Variants in RAB5A observed in about 807,000 individuals in gnomAD.
RAB5A encodes the protein RAB5A, member RAS oncogene family.
Under a neutral mutation model 25.7 loss-of-function variants are expected in RAB5A, and 8 were observed. The ratio of observed to expected loss-of-function variants is 0.31; its 90% CI spans 0.18 to 0.56. The LOEUF (loss-of-function observed/expected upper bound fraction) is 0.56, where lower values mean the gene tolerates loss of function less well. RAB5A is among the 20% of genes least tolerant of loss of function. The probability of loss-of-function intolerance (pLI) is 0.91; values close to 1 mark genes in which losing one functional copy is unlikely to be tolerated. For missense variants in RAB5A, 192 were observed against 259.7 expected (o/e 0.74, Z 1.79); for synonymous variants, 98 against 89.8 (o/e 1.09, Z -0.52).
chr3:19,973,056 T>C (rs1696774537), intron 2 of RAB5A, among the ~76,000 whole-genome samples: 1 of 152,342 alleles, frequency 6.6e-6, no homozygotes, highest in East Asian at 1.9e-4. Flanking sequence ...GGTGCAGGCA[T>C]TGTATTAGAT....
At chr3:19,949,680 T>TAC (rs1361015090) in intron 1 of RAB5A, among the ~76,000 whole-genome samples, 1 of 152,200 alleles carries the variant, frequency 6.6e-6, no homozygotes, top group Non-Finnish European at 1.5e-5. Flanking sequence ...ACTAATTCCT[T>TAC]AGAGATTAAA....
At chr3:19,962,100 T>G (rs747940550) in intron 2 of RAB5A, among the ~76,000 whole-genome samples, 1 of 152,176 alleles carries the variant, frequency 6.6e-6, no homozygotes, top group Non-Finnish European at 1.5e-5. Flanking sequence ...ATGGGGCTGT[T>G]AGCTAGAACA....
chr3:19,955,895 T>C (rs757798655), intron 2 of RAB5A, among the ~76,000 whole-genome samples: 1 of 152,042 alleles, frequency 6.6e-6, no homozygotes, highest in Non-Finnish European at 1.5e-5. Context: ...AGACTCCGTC[T>C]TAAAAAAAAA....
chr3:19,982,423 T>G (rs190051401), intron 5 of RAB5A, among the ~76,000 whole-genome samples: 1 of 152,324 alleles, frequency 6.6e-6, no homozygotes, highest in Non-Finnish European at 1.5e-5. Context: ...GGCATCTAAC[T>G]TGGGTGTTAT....
chr3:19,950,490 T>G (rs1453254076), intron 1 of RAB5A, among the ~76,000 whole-genome samples: 1 of 152,232 alleles, frequency 6.6e-6, no homozygotes, highest in Non-Finnish European at 1.5e-5. Context: ...TTAAGCTTCT[T>G]AACATCTCTG....
intron 2 of RAB5A, among the ~76,000 whole-genome samples, chr3:19,971,197 CAAA>C (rs757289443): frequency 2.7e-5 from 2 of 74,770 alleles, no homozygotes; most frequent in South Asian, 9.2e-4. Context: ...AACTCCATCT[CAAA>C]AAAAAAAAAA....
At chr3:19,973,800 C>T (rs1328567313) in intron 2 of RAB5A, among the ~76,000 whole-genome samples, 1 of 152,050 alleles carries the variant, frequency 6.6e-6, no homozygotes, top group Non-Finnish European at 1.5e-5. Context: ...AACCAGTTAA[C>T]CTAAAAGAGC....
chr3:19,951,254 G>A, intron 2 of RAB5A, 193 bp downstream of exon 2: 3 of 557,238 alleles, frequency 5.4e-6, no homozygotes, highest in Middle Eastern at 5.0e-4. Context: ...TTGATTGTTT[G>A]GTTAATCCCT....
intron 2 of RAB5A, among the ~76,000 whole-genome samples, chr3:19,971,782 G>A (rs1696756158): frequency 6.6e-6 from 1 of 152,138 alleles, no homozygotes; most frequent in Non-Finnish European, 1.5e-5. Flanking sequence ...GCCCAGTACA[G>A]TGTTATCAGG....
intron 2 of RAB5A, among the ~76,000 whole-genome samples, chr3:19,952,289 G>A (rs1344400528): frequency 1.3e-5 from 2 of 152,230 alleles, no homozygotes; most frequent in East Asian, 1.9e-4. Context: ...TCAATTAGAT[G>A]ATGTGTGGCA....
intron 2 of RAB5A, among the ~76,000 whole-genome samples, chr3:19,969,031 GTTTTTTTTTTTTGGTT>G (rs1696702656): frequency 5.0e-5 from 5 of 99,702 alleles, no homozygotes; most frequent in Admixed American, 3.9e-4. Context: ...TTTGGTTTTG[GTTTTTTTTTTTTGGTT>G]TTTTTTTTTT....
At chr3:19,949,801 T>G (rs1006676387) in intron 1 of RAB5A, among the ~76,000 whole-genome samples, 1 of 152,186 alleles carries the variant, frequency 6.6e-6, no homozygotes, top group Non-Finnish European at 1.5e-5. Flanking sequence ...TCCCAGCACT[T>G]TGCGAGGCTG....
chr3:19,951,850 C>T (rs1409205135), intron 2 of RAB5A, among the ~76,000 whole-genome samples: 3 of 151,712 alleles, frequency 2.0e-5, no homozygotes, highest in Non-Finnish European at 4.4e-5. Flanking sequence ...AAGAATGCTC[C>T]TAAGCTGAGG....
intron 3 of RAB5A, 57 bp downstream of exon 3, chr3:19,975,809 A>C: frequency 6.6e-7 from 1 of 1,505,784 alleles, no homozygotes; most frequent in African/African-American, 1.4e-5. Flanking sequence ...TTTGGTGTTC[A>C]GAATTTTGAT....
intron 2 of RAB5A, among the ~76,000 whole-genome samples, chr3:19,967,905 G>A (rs1301084647): frequency 6.6e-6 from 1 of 152,034 alleles, no homozygotes; most frequent in African/African-American, 2.4e-5. Context: ...AATAAAAATG[G>A]CCTCAGTTTT....
Position 19,983,863 on chromosome 3 carries a change from T to G in RAB5A, c.*40T>G, listed in dbSNP as rs1280490101. On this transcript the variant is annotated 3_prime_UTR_variant, in exon 6 of 6. Transcript: ENST00000273047. ...CTAGCTGGAATAGTCTTCTGCTTCC[T>G]AAATGTTAATAACAATGGAATTGGA... is the stretch of plus-strand genomic sequence containing the variant. 1 of 1,326,494 alleles carries G rather than the reference T, an allele frequency of 7.5e-7. No homozygotes were observed. The highest frequency in any genetic ancestry group is 2.5e-5 in the East Asian group (1 of 40,812). 82.2% of individuals were successfully genotyped at this position (1,326,494 alleles called of 1,614,324 possible).
chr3:19,953,088 G>T (rs1318224352), intron 2 of RAB5A, among the ~76,000 whole-genome samples: 6 of 151,096 alleles, frequency 4.0e-5, no homozygotes, highest in Non-Finnish European at 8.8e-5. Flanking sequence ...AAACTCTGAA[G>T]TACTGTAGTA....
At chr3:19,972,969 ATTAAC>A (rs1304374111) in intron 2 of RAB5A, among the ~76,000 whole-genome samples, 2 of 152,196 alleles carry the variant, frequency 1.3e-5, no homozygotes, top group East Asian at 3.9e-4. Context: ...GGGGGAAAAA[ATTAAC>A]TTAGCTCCAA....
At chr3:19,965,164 C>T (rs1422031919) in intron 2 of RAB5A, among the ~76,000 whole-genome samples, 1 of 152,112 alleles carries the variant, frequency 6.6e-6, no homozygotes, top group East Asian at 1.9e-4. Flanking sequence ...TCAAGTGATC[C>T]ACCCGCCTCG....
Sources: gnomAD v4.1 joint callset for allele counts (sites outside exome capture counted in the v4.1 genomes callset) on GRCh38, gnomAD v4.1.1 for gene constraint, MANE v1.5 for transcripts, NCBI Gene and HGNC (gene_info 2026-07-23, HGNC 2026-07-21) for gene names.